Variants in GABRA4 observed in about 807,000 individuals in gnomAD.
The protein encoded by GABRA4 is gamma-aminobutyric acid receptor subunit alpha-4.
GABRA4 carries 12 observed loss-of-function variants against 49.7 expected under a neutral mutation model. The observed-to-expected ratio is 0.24, with a 90% CI of 0.15 to 0.39. The LOEUF (loss-of-function observed/expected upper bound fraction) is 0.39, where lower values mean the gene tolerates loss of function less well. GABRA4 is among the 10% of genes least tolerant of loss of function. The pLI is 1.00. For missense variants in GABRA4, 506 were observed against 686.0 expected (o/e 0.74, Z 2.93); for synonymous variants, 288 against 240.2 (o/e 1.20, Z -1.84).
chr4:46,965,057 T>C lies in GABRA4; in HGVS notation c.1047A>G (p.Glu349=), dbSNP rs1251547141. 4 of 1,612,066 alleles carry C rather than the reference T, an allele frequency of 2.5e-6. No individual in the cohort carries two copies. The highest frequency in any genetic ancestry group is 2.5e-6 in the Non-Finnish European group (3 of 1,178,848). ...GCTTTGATGTCTTCCTTTTGGCTTT[T>C]TCCATTTGAATATTGGTGAAATAGT... ...AVNYFTNIQM[E]KAKRKTSKPP... Residue 349 remains glutamate (E), a synonymous_variant, in exon 8 of 9, where the codon GAA becomes GAG. Coordinates refer to ENST00000264318, the MANE Select transcript of GABRA4 (RefSeq NM_000809.4).
At chr4:46,970,158 A>C (rs1722899813) in intron 7 of GABRA4, among the ~76,000 whole-genome samples, 1 of 151,432 alleles carries the variant, frequency 6.6e-6, no homozygotes, top group Admixed American at 6.6e-5. Context: ...GGTAGGATGA[A>C]AAGTTCCCGT....
At chr4:46,939,054 T>C (rs1282522951) in intron 8 of GABRA4, among the ~76,000 whole-genome samples, 4 of 152,004 alleles carry the variant, frequency 2.6e-5, no homozygotes, top group African/African-American at 7.2e-5. Flanking sequence ...TAGCAACAAG[T>C]AAGTTTTAAA....
At position 46,992,803 on chromosome 4, in the gene GABRA4, C is replaced by A. The variant is rs563353898; in HGVS notation, c.205+25G>T. 1.0e-5 allele frequency: 16 copies of A among 1,524,808 alleles called. No individual in the cohort carries two copies. The South Asian group carries it at 1.5e-4, about 14-fold the overall frequency. The allele number at this position is 1,524,808 out of a possible 1,614,324, so 94.5% of individuals were successfully genotyped here. ...CCAAGAGAGGGACAGACAGGACACA[C>A]TTGCGCGTTTGAAATCGTTCATACC... is the stretch of plus-strand genomic sequence containing the variant. On this transcript the variant is annotated intron_variant, in intron 2 of 8. Transcript: ENST00000264318.
At chr4:46,992,667 G>A (rs545660759) in intron 2 of GABRA4, 161 bp downstream of exon 2, 84 of 630,464 alleles carry the variant, frequency 1.3e-4, no homozygotes, top group Non-Finnish European at 2.0e-4. Context: ...GGTGGAGGCG[G>A]TCTTCTTGTC....
At position 46,962,480 on chromosome 4, in the gene GABRA4, A is replaced by G. The variant is rs149320980; in HGVS notation, c.1134+2490T>C. Among the ~76,000 whole-genome samples, 77 of 152,068 alleles carry G rather than the reference A, an allele frequency of 5.1e-4. 4 individuals carry two copies. The East Asian group carries it at 0.014, about 28-fold the overall frequency. ...ACAGGACACCAAAAAATGGAAAAAG[A>G]TTTTATGTTCATGGATTGGAAGAAT... On this transcript the variant is annotated intron_variant, in intron 8 of 8. Transcript: ENST00000264318.
intron 7 of GABRA4, among the ~76,000 whole-genome samples, chr4:46,967,920 G>T (rs1722821832): frequency 6.6e-6 from 1 of 151,564 alleles, no homozygotes; most frequent in African/African-American, 2.4e-5. Flanking sequence ...GCATTTACTT[G>T]TGTTTAATGT....
intron 8 of GABRA4, among the ~76,000 whole-genome samples, chr4:46,939,123 A>G (rs186537506): frequency 1.3e-5 from 2 of 152,154 alleles, no homozygotes; most frequent in Admixed American, 6.6e-5. Flanking sequence ...TGTTGATATT[A>G]GAAACAATTT....
chr4:46,937,796 C>A (rs555214509), intron 8 of GABRA4, among the ~76,000 whole-genome samples: 1 of 152,062 alleles, frequency 6.6e-6, no homozygotes, highest in Non-Finnish European at 1.5e-5. Flanking sequence ...CAGGGGAATT[C>A]GGTTAACTGG....
intron 2 of GABRA4, 105 bp downstream of exon 2, chr4:46,992,722 AT>A: frequency 8.3e-6 from 7 of 845,990 alleles, no homozygotes; most frequent in Non-Finnish European, 1.2e-5. Context: ...AGAGAGATTT[AT>A]TTTTGCACGT....
At chr4:46,992,632 G>A (rs1442569599) in intron 2 of GABRA4, 196 bp downstream of exon 2, 12 of 584,912 alleles carry the variant, frequency 2.1e-5, no homozygotes. Flanking sequence ...AAGCTTCTGA[G>A]GGGGCAGGGA....
At chr4:46,979,425 A>G (rs1321009222) in intron 2 of GABRA4, among the ~76,000 whole-genome samples, 1 of 152,118 alleles carries the variant, frequency 6.6e-6, no homozygotes, top group African/African-American at 2.4e-5. Flanking sequence ...TTTATAGTCC[A>G]TCATCTGATT....
intron 6 of GABRA4, 137 bp from the exon 7 acceptor site, chr4:46,971,372 A>G (rs777302760): frequency 1.2e-5 from 9 of 732,000 alleles, no homozygotes; most frequent in Non-Finnish European, 2.1e-5. Context: ...ACAAACATCA[A>G]TAAGTATGTA....
chr4:46,969,749 G>A lies in GABRA4; in HGVS notation c.874+1334C>T, dbSNP rs1042148885. ...AATTTTATGAATGGAGAAAATAAGT[G>A]GCAGATTTGGGTTTAAACCTAGACT... On this transcript the variant is annotated intron_variant, in intron 7 of 8. Coordinates refer to ENST00000264318, the MANE Select transcript of GABRA4 (RefSeq NM_000809.4). 2.0e-5 allele frequency among the ~76,000 whole-genome samples: 3 copies of A among 151,442 alleles called. 1 individual carries two copies. Among genetic ancestry groups the A allele is most frequent in the Middle Eastern group, 6.8e-3 (2 of 294 alleles).
rs1333075153 is a variant in GABRA4 at position 46,974,523 on chromosome 4, T to C, written c.578-148A>G. ...ATTTAGTCACTATAATTTAGTTCAC[T>C]ATAATTTAGTCAAACATCTTTAAGA... On this transcript the variant is annotated intron_variant, in intron 5 of 8. Coordinates refer to ENST00000264318, the MANE Select transcript of GABRA4 (RefSeq NM_000809.4). 1.0e-5 allele frequency: 7 copies of C among 693,526 alleles called. No homozygotes were observed. The East Asian group carries it at 1.3e-4, about 13-fold the overall frequency. 43.0% of individuals were successfully genotyped at this position (693,526 alleles called of 1,614,324 possible).
Position 46,928,441 on chromosome 4 carries a change from C to T in GABRA4, c.1449G>A (p.Leu483=). ...ASTRHVFGSR[L]QRIKTTVNTI... ...TATTAACTGTGGTCTTTATCCTCTG[C>T]AGTCTTGATCCAAACACGTGACGAG... The change falls in exon 9 of 9, where the codon CTG becomes CTA. Residue 483 remains leucine (L), a synonymous_variant. Transcript: ENST00000264318. The T allele has an allele frequency of 6.2e-7, 1 of 1,613,664 alleles. No homozygotes were observed. The highest frequency in any genetic ancestry group is 1.3e-5 in the African/African-American group (1 of 75,004).
In GABRA4 at chr4:46,919,012, T is replaced by C. The variant is rs1720876661; in HGVS notation, c.*9213A>G. The C allele has an allele frequency of 6.6e-6, 1 of 151,664 alleles. No homozygotes were observed. Among genetic ancestry groups the C allele is most frequent in the Non-Finnish European group, 1.5e-5 (1 of 67,620 alleles). 9.4% of individuals were successfully genotyped at this position (151,664 alleles called of 1,614,324 possible). A position where few individuals can be genotyped will look rare whatever the true frequency, so the allele number is the denominator to read the frequency against. ...GAGTTTAGCTCCAACACATTTATCT[T>C]AAAATATAAGTATCTGTGATTAAAT... On this transcript the variant is annotated 3_prime_UTR_variant, in exon 9 of 9. Coordinates refer to ENST00000264318, the MANE Select transcript of GABRA4 (RefSeq NM_000809.4).
chr4:46,949,833 A>T (rs1486380123), intron 8 of GABRA4, among the ~76,000 whole-genome samples: 4 of 152,278 alleles, frequency 2.6e-5, no homozygotes, highest in South Asian at 2.1e-4. Flanking sequence ...TTAGATATTG[A>T]AAGCTAATCA....
intron 7 of GABRA4, among the ~76,000 whole-genome samples, chr4:46,970,069 G>C (rs981750842): frequency 6.6e-6 from 1 of 151,188 alleles, no homozygotes; most frequent in Non-Finnish European, 1.5e-5. Context: ...TTAAAGGGAG[G>C]ATAGTTGTCT....
intron 5 of GABRA4, 30 bp from the exon 6 acceptor site, chr4:46,974,405 T>C (rs771414094): frequency 6.3e-7 from 1 of 1,585,644 alleles, no homozygotes. Context: ...GTGGTTAGAG[T>C]CAATGCTCCT....
Sources: gnomAD v4.1 joint callset for allele counts (sites outside exome capture counted in the v4.1 genomes callset) on GRCh38, gnomAD v4.1.1 for gene constraint, MANE v1.5 for transcripts, NCBI Gene and HGNC (gene_info 2026-07-23, HGNC 2026-07-21) for gene names.